Variants in RANBP2 observed in about 807,000 individuals in gnomAD.
RANBP2 encodes E3 SUMO-protein ligase RanBP2.
RANBP2 carries 57 observed loss-of-function variants against 303.6 expected under a neutral mutation model. The observed-to-expected ratio is 0.19, with a 90% confidence interval of 0.15 to 0.23. The LOEUF is 0.23. Ranked by LOEUF, RANBP2 falls within the 10% of genes least tolerant of loss-of-function variation. RANBP2 has a pLI of 1.00. For synonymous variants in RANBP2, 1,167 were observed against 1,301.5 expected, an observed-to-expected ratio of 0.90 and a Z score of 2.23; for missense variants, 3,138 against 3,780.8, an observed-to-expected ratio of 0.83 and a Z score of 4.46.
At chr2:109,751,592 T>C in the RANBP2 span, among the ~76,000 whole-genome samples, 1 of 91,172 alleles carries the variant, frequency 1.1e-5, no homozygotes, top group African/African-American at 3.2e-5. Context: ...TCAGTCCCCT[T>C]CCAACTTAGA....
chr2:108,764,343 C>G lies in RANBP2; in HGVS notation c.3804C>G (p.Ala1268=), dbSNP rs111561767. ...CAGACAGATCTTTTGTATGGCATGC[C>G]CTTGATTATGCAGATGAGTTGCCAA... ...AGSDRSFVWH[A]LDYADELPKP... The change falls in exon 20 of 29, where the codon GCC becomes GCG. Residue 1268 remains alanine, a synonymous_variant. Coordinates refer to ENST00000283195, the MANE Select transcript of RANBP2 (RefSeq NM_006267.5). 6.2e-7 allele frequency: 1 copy of G among 1,613,494 alleles called. No individual in the cohort carries two copies. Among genetic ancestry groups the G allele is most frequent in the Non-Finnish European group, 8.5e-7 (1 of 1,179,960 alleles).
chr2:108,846,238 T>C, the RANBP2 span, among the ~76,000 whole-genome samples: 3 of 152,244 alleles, frequency 2.0e-5, no homozygotes, highest in Non-Finnish European at 4.4e-5. Context: ...CATGATCTTA[T>C]GTTCTTACAT....
chr2:109,316,179 T>C, the RANBP2 span, among the ~76,000 whole-genome samples: 1 of 152,156 alleles, frequency 6.6e-6, no homozygotes, highest in East Asian at 1.9e-4. Context: ...TGCTGAACTT[T>C]TGGGCCTGGG....
intron 8 of RANBP2, among the ~76,000 whole-genome samples, chr2:108,748,564 C>T (rs552711521): frequency 2.8e-4 from 42 of 152,126 alleles, no homozygotes; most frequent in African/African-American, 9.4e-4. Context: ...TTCTGATCAG[C>T]CAGGTTCAGA....
the RANBP2 span, among the ~76,000 whole-genome samples, chr2:109,602,133 A>G: frequency 1.3e-5 from 2 of 152,210 alleles, no homozygotes; most frequent in South Asian, 4.1e-4. Flanking sequence ...TCAATACTAC[A>G]GAGCTGATTT....
At chr2:109,750,467 T>TG in the RANBP2 span, among the ~76,000 whole-genome samples, 1 of 7,788 alleles carries the variant, frequency 1.3e-4, no homozygotes, top group African/African-American at 4.1e-4. Flanking sequence ...TTCTGGGTTA[T>TG]GCTAATGGTT....
chr2:109,500,159 T>G, the RANBP2 span, among the ~76,000 whole-genome samples: 1 of 152,144 alleles, frequency 6.6e-6, no homozygotes, highest in African/African-American at 2.4e-5. Context: ...TAAAGGGGAC[T>G]GGGGTCAGCC....
chr2:109,640,906 A>C, the RANBP2 span, among the ~76,000 whole-genome samples: 835 of 152,240 alleles, frequency 5.5e-3, 15 homozygotes, highest in African/African-American at 0.019. Flanking sequence ...TCGACTCTTA[A>C]AACCTCCTGA....
chr2:108,839,259 A>G, the RANBP2 span: 3 of 1,612,776 alleles, frequency 1.9e-6, no homozygotes, highest in South Asian at 2.2e-5. Context: ...CTTTTGTAAA[A>G]TTTATATATT....
the RANBP2 span, chr2:109,398,640 C>G: frequency 1.9e-6 from 3 of 1,599,530 alleles, no homozygotes; most frequent in East Asian, 2.3e-5. Context: ...CATGCCCAGC[C>G]GCTGCATCCA....
At chr2:109,597,109 G>C in the RANBP2 span, among the ~76,000 whole-genome samples, 2 of 151,860 alleles carry the variant, frequency 1.3e-5, no homozygotes, top group Non-Finnish European at 2.9e-5. Context: ...CAGCACACTT[G>C]GCTAATTTTT....
the RANBP2 span, among the ~76,000 whole-genome samples, chr2:109,218,355 AT>A: frequency 6.6e-6 from 1 of 152,194 alleles, no homozygotes; most frequent in African/African-American, 2.4e-5. Context: ...TGTCCTTTCA[AT>A]TCAAAATATG....
the RANBP2 span, among the ~76,000 whole-genome samples, chr2:109,079,706 A>G: frequency 1.3e-5 from 2 of 152,188 alleles, no homozygotes; most frequent in Admixed American, 1.3e-4. Context: ...GGGAGACAGC[A>G]CACACACACA....
chr2:109,080,669 T>C, the RANBP2 span, among the ~76,000 whole-genome samples: 6 of 152,272 alleles, frequency 3.9e-5, no homozygotes, highest in South Asian at 1.3e-3. Flanking sequence ...TTTTATCATT[T>C]CTTTATTTTA....
the RANBP2 span, among the ~76,000 whole-genome samples, chr2:109,278,176 T>TAAAA: frequency 1.2e-4 from 17 of 147,554 alleles, no homozygotes; most frequent in African/African-American, 4.0e-4. Flanking sequence ...GACCCAATCT[T>TAAAA]AAAAAAAAAA....
chr2:109,614,220 G>C, the RANBP2 span: 1 of 944,898 alleles, frequency 1.1e-6, no homozygotes, highest in Non-Finnish European at 1.4e-6. Context: ...GGGCCTTGAG[G>C]CGAGGCCGCC....
At chr2:109,538,856 T>A in the RANBP2 span, among the ~76,000 whole-genome samples, 2 of 152,230 alleles carry the variant, frequency 1.3e-5, no homozygotes, top group Non-Finnish European at 2.9e-5. Context: ...ATTCTTATAT[T>A]AACACATTAA....
the RANBP2 span, among the ~76,000 whole-genome samples, chr2:108,992,556 A>G: frequency 2.0e-5 from 3 of 152,180 alleles, no homozygotes; most frequent in Non-Finnish European, 4.4e-5. Context: ...CCTGACATAT[A>G]ATTGGTTTCA....
chr2:109,213,752 T>G, the RANBP2 span, among the ~76,000 whole-genome samples: 54 of 152,238 alleles, frequency 3.5e-4, no homozygotes, highest in East Asian at 1.9e-4. Context: ...GGGGATGGTT[T>G]TAAATAGGAA....
Sources: gnomAD v4.1 joint callset for allele counts (sites outside exome capture counted in the v4.1 genomes callset) on GRCh38, gnomAD v4.1.1 for gene constraint, MANE v1.5 for transcripts, NCBI Gene and HGNC (gene_info 2026-07-23, HGNC 2026-07-21) for gene names.